Variants in SH3PXD2A observed in about 807,000 individuals in gnomAD.
The protein encoded by SH3PXD2A is SH3 and PX domains 2A.
A neutral mutation model predicts 115.2 loss-of-function variants in SH3PXD2A; 32 were observed. The observed-to-expected ratio is 0.28, with a 90% CI of 0.21 to 0.37. The LOEUF (loss-of-function observed/expected upper bound fraction) is 0.37, where lower values mean the gene tolerates loss of function less well. Ranked by LOEUF, SH3PXD2A falls within the 10% of genes least tolerant of loss-of-function variation. The probability of loss-of-function intolerance (pLI) is 1.00; values close to 1 mark genes in which losing one functional copy is unlikely to be tolerated. For synonymous variants in SH3PXD2A, 610 were observed against 629.1 expected (o/e 0.97, Z 0.45); for missense variants, 1,328 against 1,498.7 (o/e 0.89, Z 1.88).
At chr10:103,648,810 A>C (rs958871639) in intron 8 of SH3PXD2A, among the ~76,000 whole-genome samples, 2 of 152,176 alleles carry the variant, frequency 1.3e-5, no homozygotes, top group Admixed American at 6.5e-5. Flanking sequence ...CCCTTTTGTC[A>C]GGGGAGAAAA....
At chr10:103,737,765 T>G (rs55657704) in intron 3 of SH3PXD2A, among the ~76,000 whole-genome samples, 48 of 152,302 alleles carry the variant, frequency 3.2e-4, no homozygotes, top group African/African-American at 1.1e-3. Flanking sequence ...GTGGCTCCAG[T>G]GAGCAGCCTT....
chr10:103,716,966 G>A (rs1204642326), intron 5 of SH3PXD2A, among the ~76,000 whole-genome samples: 1 of 152,226 alleles, frequency 6.6e-6, no homozygotes, highest in Non-Finnish European at 1.5e-5. Context: ...CACCATGATG[G>A]GGACAGCAAA....
intron 3 of SH3PXD2A, among the ~76,000 whole-genome samples, chr10:103,759,580 C>T (rs934608651): frequency 2.0e-5 from 3 of 152,212 alleles, no homozygotes; most frequent in African/African-American, 7.2e-5. Flanking sequence ...TCTTTTTGCT[C>T]CACTGCCTGG....
rs755386148 is a variant in SH3PXD2A at position 103,601,879 on chromosome 10, G to T, written c.3339C>A (p.Ile1113=). The T allele has an allele frequency of 6.2e-7, 1 of 1,613,676 alleles. No individual in the cohort carries two copies. The highest frequency in any genetic ancestry group is 8.5e-7 in the Non-Finnish European group (1 of 1,179,734). The change falls in exon 15 of 15, where the codon ATC becomes ATA. Residue 1113 remains isoleucine, a synonymous_variant. Transcript: ENST00000369774. ...RNPNGWWYCQ[I]LDGVKPFKGW... ...CTTTGAAGGGCTTCACACCATCCAG[G>T]ATCTGGCAGTACCACCAGCCATTAG...
intron 1 of SH3PXD2A, among the ~76,000 whole-genome samples, chr10:103,820,526 C>A (rs2039367877): frequency 1.3e-5 from 2 of 151,700 alleles, no homozygotes; most frequent in South Asian, 4.2e-4. Flanking sequence ...TCCCCCAGTG[C>A]CCCCTCAAAG....
chr10:103,722,691 G>C (rs2038196757), intron 5 of SH3PXD2A, among the ~76,000 whole-genome samples: 1 of 151,832 alleles, frequency 6.6e-6, no homozygotes, highest in Non-Finnish European at 1.5e-5. Context: ...GAGCCACTAG[G>C]GACCACAGGA....
chr10:103,649,116 G>T (rs1000523288), intron 8 of SH3PXD2A, among the ~76,000 whole-genome samples: 1 of 152,156 alleles, frequency 6.6e-6, no homozygotes, highest in African/African-American at 2.4e-5. Flanking sequence ...GCTGAAACTG[G>T]CCCGTTTTCA....
chr10:103,739,594 C>T (rs1247966875), intron 3 of SH3PXD2A, among the ~76,000 whole-genome samples: 2 of 152,152 alleles, frequency 1.3e-5, no homozygotes, highest in Non-Finnish European at 1.5e-5. Context: ...GGAAAATCCC[C>T]ATGAAGGAAG....
chr10:103,653,112 T>C (rs1049689198), intron 8 of SH3PXD2A, among the ~76,000 whole-genome samples: 1 of 152,190 alleles, frequency 6.6e-6, no homozygotes, highest in Admixed American at 6.5e-5. Context: ...TCCTGACTTG[T>C]ACTTGTCAAC....
chr10:103,752,591 C>A (rs1171466746), intron 3 of SH3PXD2A, among the ~76,000 whole-genome samples: 1 of 152,160 alleles, frequency 6.6e-6, no homozygotes, highest in East Asian at 1.9e-4. Context: ...AGACCCCAGG[C>A]CCAGAGTTCC....
intron 2 of SH3PXD2A, among the ~76,000 whole-genome samples, chr10:103,774,823 A>G (rs2038862584): frequency 6.6e-6 from 1 of 152,136 alleles, no homozygotes; most frequent in Non-Finnish European, 1.5e-5. Context: ...CTCTGTGGAT[A>G]TTGTTAGGAC....
intron 5 of SH3PXD2A, among the ~76,000 whole-genome samples, chr10:103,721,279 G>A (rs2038178994): frequency 6.6e-6 from 1 of 152,188 alleles, no homozygotes; most frequent in South Asian, 2.1e-4. Flanking sequence ...TCTCATTTTA[G>A]GGGAACAGAA....
chr10:103,676,627 T>A (rs976054999), intron 6 of SH3PXD2A, among the ~76,000 whole-genome samples: 25 of 151,982 alleles, frequency 1.6e-4, no homozygotes, highest in Admixed American at 6.5e-4. Flanking sequence ...AGGTGCTGGG[T>A]TAGTGAGAGG....
intron 1 of SH3PXD2A, among the ~76,000 whole-genome samples, chr10:103,819,959 G>A (rs901599957): frequency 2.6e-5 from 4 of 152,134 alleles, no homozygotes; most frequent in Non-Finnish European, 5.9e-5. Context: ...ATCTCAGAGT[G>A]GGAGTGGGTT....
At chr10:103,844,665 G>T (rs909887975) in intron 1 of SH3PXD2A, among the ~76,000 whole-genome samples, 7 of 152,198 alleles carry the variant, frequency 4.6e-5, no homozygotes, top group African/African-American at 1.7e-4. Flanking sequence ...CCAGGCGCAG[G>T]CTGGGGAAGG....
chr10:103,712,045 C>T (rs1469732660), intron 5 of SH3PXD2A, among the ~76,000 whole-genome samples: 1 of 148,528 alleles, frequency 6.7e-6, no homozygotes, highest in African/African-American at 2.5e-5. Context: ...AACCCTGTCT[C>T]AAAATTAAAA....
intron 10 of SH3PXD2A, among the ~76,000 whole-genome samples, chr10:103,618,292 C>T (rs982038775): frequency 2.0e-5 from 3 of 152,206 alleles, no homozygotes; most frequent in Admixed American, 2.0e-4. Flanking sequence ...CCGCTTGGGT[C>T]CTTGATCAGG....
chr10:103,746,100 C>T lies in SH3PXD2A; in HGVS notation c.230-10292G>A, dbSNP rs370414395. On this transcript the variant is annotated intron_variant, in intron 3 of 14. Coordinates refer to ENST00000369774, the MANE Select transcript of SH3PXD2A (RefSeq NM_001394015.1). This position sits in a 1 kb window ranked among gnomAD's most constrained non-coding sequence, Gnocchi z 4.4. ...CTCCCAAATTCTGGTTCGGAGGTTCCCATACCCAGTAAGCAGAGCCAGGCT... is the reference window on the plus strand; with the variant it reads ...CTCCCAAATTCTGGTTCGGAGGTTCTCATACCCAGTAAGCAGAGCCAGGCT... The T allele has an allele frequency of 5.9e-5, 9 of 152,338 alleles. No homozygotes were observed. The East Asian group carries it at 1.5e-3, about 26-fold the overall frequency. 9.4% of individuals were successfully genotyped at this position (152,338 alleles called of 1,614,324 possible).
At chr10:103,819,753 G>A (rs151283833) in intron 1 of SH3PXD2A, among the ~76,000 whole-genome samples, 426 of 152,212 alleles carry the variant, frequency 2.8e-3, no homozygotes, top group Middle Eastern at 0.01. Flanking sequence ...AAGGGCCCTG[G>A]AGCAGGGGGC....
Sources: gnomAD v4.1 joint callset for allele counts (sites outside exome capture counted in the v4.1 genomes callset) on GRCh38, gnomAD v4.1.1 for gene constraint, Gnocchi (gnomAD v3.1) non-coding constraint, MANE v1.5 for transcripts, NCBI Gene and HGNC (gene_info 2026-07-23, HGNC 2026-07-21) for gene names.